The following GALNTL6 variants were observed in gnomAD, a reference collection of about 807,000 sequenced individuals.
GALNTL6 encodes the protein polypeptide N-acetylgalactosaminyltransferase like 6, also known as polypeptide N-acetylgalactosaminyltransferase-like 6.
A neutral mutation model predicts 73.7 loss-of-function variants in GALNTL6; 46 were observed. The ratio of observed to expected loss-of-function variants is 0.62; its 90% CI spans 0.49 to 0.80. The LOEUF (loss-of-function observed/expected upper bound fraction) is 0.80, where lower values mean the gene tolerates loss of function less well. Among genes scored for constraint, GALNTL6 ranks in the 30% least tolerant of loss-of-function variants. The pLI, the probability that GALNTL6 is intolerant of heterozygous loss-of-function variation, is 0.00. For missense variants in GALNTL6, 604 were observed against 755.0 expected, an observed-to-expected ratio of 0.80 and a Z score of 2.34; for synonymous variants, 259 against 263.7, an observed-to-expected ratio of 0.98 and a Z score of 0.17.
chr4:172,160,171 T>C (rs1264397167), intron 2 of GALNTL6, among the ~76,000 whole-genome samples: 1 of 152,006 alleles, frequency 6.6e-6, no homozygotes, highest in Non-Finnish European at 1.5e-5. Context: ...TAAGTGTGTG[T>C]GCGTGTGCGT....
intron 5 of GALNTL6, among the ~76,000 whole-genome samples, chr4:172,718,206 G>T (rs928592107): frequency 6.6e-6 from 1 of 152,158 alleles, no homozygotes; most frequent in African/African-American, 2.4e-5. Context: ...TCGTTATGAT[G>T]ATTCATGACT....
intron 5 of GALNTL6, among the ~76,000 whole-genome samples, chr4:172,528,087 C>T (rs1451677152): frequency 6.6e-6 from 1 of 151,426 alleles, no homozygotes; most frequent in African/African-American, 2.4e-5. Flanking sequence ...ACAGAGTATT[C>T]AATCAACTAC....
chr4:171,963,207 C>A, intron 2 of GALNTL6, among the ~76,000 whole-genome samples: 1 of 151,860 alleles, frequency 6.6e-6, no homozygotes, highest in African/African-American at 2.4e-5. Flanking sequence ...AGGAGTGAAA[C>A]TCTCATTTTA....
intron 5 of GALNTL6, among the ~76,000 whole-genome samples, chr4:172,686,508 A>G (rs1259382953): frequency 6.6e-6 from 1 of 152,250 alleles, no homozygotes; most frequent in Non-Finnish European, 1.5e-5. Flanking sequence ...TATAAAGGTG[A>G]GAATGCAAGT....
chr4:172,158,390 CT>C (rs887334801), intron 2 of GALNTL6, among the ~76,000 whole-genome samples: 4 of 151,874 alleles, frequency 2.6e-5, no homozygotes, highest in African/African-American at 9.7e-5. Context: ...TAATTTTCCC[CT>C]GGTTACTCAG....
intron 5 of GALNTL6, among the ~76,000 whole-genome samples, chr4:172,700,589 G>C (rs575377044): frequency 6.6e-6 from 1 of 152,198 alleles, no homozygotes; most frequent in African/African-American, 2.4e-5. Flanking sequence ...AATGAGGTCA[G>C]CCGGTTTTCC....
At chr4:172,872,597 G>A (rs1276339414) in intron 7 of GALNTL6, among the ~76,000 whole-genome samples, 1 of 152,150 alleles carries the variant, frequency 6.6e-6, no homozygotes, top group Non-Finnish European at 1.5e-5. Context: ...ATAGCACATT[G>A]TTTAGCCTCA....
chr4:171,836,478 T>C (rs1450940455), intron 2 of GALNTL6, among the ~76,000 whole-genome samples: 1 of 152,102 alleles, frequency 6.6e-6, no homozygotes, highest in Non-Finnish European at 1.5e-5. Context: ...TCTACTATCA[T>C]CTTTGCAAAT....
intron 5 of GALNTL6, among the ~76,000 whole-genome samples, chr4:172,349,566 A>G (rs150461907): frequency 1.3e-5 from 2 of 152,236 alleles, no homozygotes; most frequent in South Asian, 2.1e-4. Flanking sequence ...GTATTCAAAA[A>G]TTCTGCAAAA....
At chr4:172,719,034 T>A (rs1213421019) in intron 5 of GALNTL6, among the ~76,000 whole-genome samples, 2 of 152,188 alleles carry the variant, frequency 1.3e-5, no homozygotes, top group Non-Finnish European at 2.9e-5. Flanking sequence ...AATGGGCAAA[T>A]GGCCAGACAC....
intron 5 of GALNTL6, among the ~76,000 whole-genome samples, chr4:172,736,231 A>T (rs551035862): frequency 6.6e-6 from 1 of 152,178 alleles, no homozygotes; most frequent in African/African-American, 2.4e-5. Flanking sequence ...ACCAGCGTGT[A>T]TTTCATCCCT....
rs531908460 is a variant in GALNTL6, at chr4:171,964,858, C to A, written c.138+150140C>A. Reference sequence around the variant, plus strand: ...ACCATTCCTCTTTCGCAGAGGCAGCCCATACTGATTGGCTGGCCACTGAAG... The same window carrying A: ...ACCATTCCTCTTTCGCAGAGGCAGCACATACTGATTGGCTGGCCACTGAAG... On this transcript the variant is annotated intron_variant, in intron 2 of 12. Coordinates refer to ENST00000506823, the MANE Select transcript of GALNTL6 (RefSeq NM_001034845.3). 7.9e-5 allele frequency among the ~76,000 whole-genome samples: 12 copies of A among 152,312 alleles called. No homozygotes were observed. In the South Asian group the frequency reaches 2.5e-3, roughly 32 times the overall value.
At chr4:172,312,817 C>T (rs576143496) in intron 4 of GALNTL6, among the ~76,000 whole-genome samples, 24 of 152,202 alleles carry the variant, frequency 1.6e-4, no homozygotes, top group Non-Finnish European at 3.1e-4. Context: ...GAAATAATTA[C>T]TGTTTTTCTC....
intron 4 of GALNTL6, among the ~76,000 whole-genome samples, chr4:172,334,438 A>G (rs970780200): frequency 2.6e-5 from 4 of 151,958 alleles, no homozygotes; most frequent in African/African-American, 9.7e-5. Context: ...GTGTTTTGTA[A>G]TTTTGCTTGT....
rs1002586449 is a variant in GALNTL6 at position 172,898,241 on chromosome 4, A to T, written c.1041+15334A>T. Among the ~76,000 whole-genome samples the T allele has an allele frequency of 2.0e-5, 3 of 151,462 alleles. No individual in the cohort carries two copies. In the South Asian group the frequency reaches 6.2e-4, roughly 32 times the overall value. The stretch of plus-strand genomic sequence containing the variant: ...ACAATTTTTTTATTATTTTTATCTG[A>T]AATTGCCCAGTTCTCTACTTACTTT... On this transcript the variant is annotated intron_variant, in intron 8 of 12. Coordinates refer to ENST00000506823, the MANE Select transcript of GALNTL6 (RefSeq NM_001034845.3).
intron 4 of GALNTL6, among the ~76,000 whole-genome samples, chr4:172,332,632 A>AT (rs1202495779): frequency 3.3e-5 from 5 of 151,784 alleles, no homozygotes; most frequent in African/African-American, 1.2e-4. Context: ...AAATGACATG[A>AT]TTTTATTTTT....
At chr4:172,655,589 G>C (rs1439559875) in intron 5 of GALNTL6, among the ~76,000 whole-genome samples, 1 of 152,020 alleles carries the variant, frequency 6.6e-6, no homozygotes, top group Non-Finnish European at 1.5e-5. Context: ...ACAAAACCTA[G>C]GTGTCTTCCG....
intron 3 of GALNTL6, among the ~76,000 whole-genome samples, chr4:172,265,539 G>A (rs1452004264): frequency 1.4e-4 from 21 of 151,974 alleles, no homozygotes; most frequent in Admixed American, 1.4e-3. Flanking sequence ...TCATCTTCAG[G>A]TTCTCTTGGT....
chr4:171,872,963 A>G (rs778077689), intron 2 of GALNTL6, among the ~76,000 whole-genome samples: 21 of 152,160 alleles, frequency 1.4e-4, no homozygotes, highest in Non-Finnish European at 2.1e-4. Context: ...TAGATACACA[A>G]ATGAATTATG....
Sources: gnomAD v4.1 joint callset for allele counts (sites outside exome capture counted in the v4.1 genomes callset) on GRCh38, gnomAD v4.1.1 for gene constraint, MANE v1.5 for transcripts, NCBI Gene and HGNC (gene_info 2026-07-23, HGNC 2026-07-21) for gene names.